The following PSKH1 variants were observed in gnomAD, a reference collection of about 807,000 sequenced individuals.
The protein encoded by PSKH1 is serine/threonine-protein kinase H1.
PSKH1 carries 12 observed loss-of-function variants against 26.7 expected under a neutral mutation model. The ratio of observed to expected loss-of-function variants is 0.45; its 90% CI spans 0.29 to 0.73. The LOEUF is 0.73. Among genes scored for constraint, PSKH1 ranks in the 30% least tolerant of loss-of-function variants. The pLI, the probability that PSKH1 is intolerant of heterozygous loss-of-function variation, is 0.11. For missense variants in PSKH1, 431 were observed against 595.2 expected, an observed-to-expected ratio of 0.72 and a Z score of 2.87; for synonymous variants, 213 against 234.3, an observed-to-expected ratio of 0.91 and a Z score of 0.83.
rs752525986 is a variant in PSKH1 at position 67,909,348 on chromosome 16, A to G, written c.599A>G (p.Gln200Arg). Reference protein sequence around the residue: ...FTERDATRVLQMVLDGVRYLH... With the variant: ...FTERDATRVLRMVLDGVRYLH... ...GAGCGTGACGCCACGCGGGTGCTGCAGATGGTGCTGGATGGCGTCCGGTAT... is the reference window on the plus strand; with the variant it reads ...GAGCGTGACGCCACGCGGGTGCTGCGGATGGTGCTGGATGGCGTCCGGTAT... Residue 200 changes from glutamine (Q) to arginine (R), a missense_variant, in exon 2 of 3, where the codon CAG becomes CGG. Coordinates refer to ENST00000291041, the MANE Select transcript of PSKH1 (RefSeq NM_006742.3). This position sits in a 1 kb window ranked among gnomAD's most constrained non-coding sequence, Gnocchi z 7.8. 1.2e-6 allele frequency: 2 copies of G among 1,614,078 alleles called. No individual in the cohort carries two copies. The highest frequency in any genetic ancestry group is 1.1e-5 in the South Asian group (1 of 91,074).
At chr16:67,916,956 C>T (rs904628441) in intron 2 of PSKH1, among the ~76,000 whole-genome samples, 1 of 152,190 alleles carries the variant, frequency 6.6e-6, no homozygotes, top group Non-Finnish European at 1.5e-5. Flanking sequence ...AGACCCCACC[C>T]CACTCCCTGC....
chr16:67,920,244 A>T (rs893033860), intron 2 of PSKH1, among the ~76,000 whole-genome samples: 8 of 151,666 alleles, frequency 5.3e-5, no homozygotes, highest in Non-Finnish European at 1.2e-4. Context: ...CCACATTCTG[A>T]CCTCTTTATT....
intron 1 of PSKH1, among the ~76,000 whole-genome samples, chr16:67,899,527 G>A (rs997181069): frequency 2.6e-5 from 4 of 151,968 alleles, no homozygotes; most frequent in Non-Finnish European, 4.4e-5. Context: ...AGTAGAGACC[G>A]GGTTTCACCA....
At chr16:67,920,595 C>T (rs1044190697) in intron 2 of PSKH1, among the ~76,000 whole-genome samples, 3 of 152,232 alleles carry the variant, frequency 2.0e-5, no homozygotes, top group African/African-American at 7.2e-5. Context: ...ATCCCATGCT[C>T]ATCCTCCTCC....
At position 67,929,310 on chromosome 16, in the gene PSKH1, A is replaced by G. The variant is rs969423416; in HGVS notation, c.*1668A>G. 1.3e-4 allele frequency: 20 copies of G among 152,406 alleles called. No homozygotes were observed. Among genetic ancestry groups the G allele is most frequent in the African/African-American group, 4.8e-4 (20 of 41,470 alleles). 9.4% of individuals were successfully genotyped at this position (152,406 alleles called of 1,614,324 possible). A position where few individuals can be genotyped will look rare whatever the true frequency, so the allele number is the denominator to read the frequency against. The stretch of plus-strand genomic sequence containing the variant: ...CACCTCCAGTGGGAAACAAAACTAA[A>G]GAGACCACTCTGTGCCAAGTCGACT... On this transcript the variant is annotated 3_prime_UTR_variant, in exon 3 of 3. Transcript: ENST00000291041.
intron 2 of PSKH1, among the ~76,000 whole-genome samples, chr16:67,925,509 A>G (rs2058213563): frequency 6.6e-6 from 1 of 151,918 alleles, no homozygotes; most frequent in African/African-American, 2.4e-5. Flanking sequence ...TGAATCTTGA[A>G]CTACACAAGC....
Position 67,908,913 on chromosome 16 carries a change from C to T in PSKH1, c.164C>T (p.Ala55Val). The T allele has an allele frequency of 1.2e-6, 2 of 1,614,128 alleles. No homozygotes were observed. Among genetic ancestry groups the T allele is most frequent in the Non-Finnish European group, 1.7e-6 (2 of 1,180,010 alleles). The change falls in exon 2 of 3, where the codon GCA becomes GTA. Residue 55 changes from alanine (A) to valine (V), a missense_variant. Physicochemically the swap from Ala to Val is moderately conservative, Grantham distance 64. Transcript: ENST00000291041. ...VGPVKAGFPA[A>V]SQYAHPCPGP... ...CCTGTCAAAGCCGGGTTCCCAGCAG[C>T]AAGTCAGTATGCACACCCCTGCCCC...
intron 2 of PSKH1, among the ~76,000 whole-genome samples, chr16:67,921,563 A>G (rs1238089617): frequency 2.0e-5 from 3 of 152,140 alleles, no homozygotes; most frequent in Non-Finnish European, 4.4e-5. Flanking sequence ...CCTGGGTGAC[A>G]GAGTGAGACT....
At position 67,923,050 on chromosome 16, in the gene PSKH1, C is replaced by T. The variant is rs114647330; in HGVS notation, c.958-4275C>T. On this transcript the variant is annotated intron_variant, in intron 2 of 2. Transcript: ENST00000291041. ...CTTGTGCCAGACATTAGAGCTAGAG[C>T]AAACGAAAAGGGTTGGTGCGGGGGG... Among the ~76,000 whole-genome samples the T allele has an allele frequency of 8.0e-3, 1,217 of 152,308 alleles. 7 individuals are homozygous for T. The highest frequency in any genetic ancestry group is 0.022 in the African/African-American group (930 of 41,568).
intron 1 of PSKH1, among the ~76,000 whole-genome samples, chr16:67,899,325 G>T (rs369697478): frequency 6.7e-5 from 10 of 150,350 alleles, no homozygotes; most frequent in African/African-American, 2.0e-4. Flanking sequence ...CCAAGAGCCA[G>T]ACCACATTTT....
intron 1 of PSKH1, among the ~76,000 whole-genome samples, chr16:67,900,501 G>C (rs544065966): frequency 6.6e-6 from 1 of 152,308 alleles, no homozygotes; most frequent in East Asian, 1.9e-4. Flanking sequence ...GCATGGGGAA[G>C]GATCAAGGCC....
Position 67,909,192 on chromosome 16 carries a change from G to C in PSKH1, c.443G>C (p.Arg148Pro). 6.2e-7 allele frequency: 1 copy of C among 1,614,158 alleles called. No homozygotes were observed. Among genetic ancestry groups the C allele is most frequent in the Non-Finnish European group, 8.5e-7 (1 of 1,180,046 alleles). Residue 148 changes from arginine to proline, a missense_variant, in exon 2 of 3, where the codon CGT (arginine) becomes CCT (proline). By Grantham distance (103) the Arg-to-Pro change is moderately radical. Coordinates refer to ENST00000291041, the MANE Select transcript of PSKH1 (RefSeq NM_006742.3). The surrounding 1 kb of genome is among the most constrained non-coding windows in gnomAD (Gnocchi z 7.8). ...TGTGAGTCGGAGCTGCGTGTGCTGCGTCGGGTGCGTCATGCCAACATCATC... is the reference window on the plus strand; with the variant it reads ...TGTGAGTCGGAGCTGCGTGTGCTGCCTCGGGTGCGTCATGCCAACATCATC... Reference protein sequence around the residue: ...EVCESELRVLRRVRHANIIQL... With the variant: ...EVCESELRVLPRVRHANIIQL...
intron 1 of PSKH1, among the ~76,000 whole-genome samples, chr16:67,896,465 G>A (rs145205889): frequency 6.6e-6 from 1 of 151,798 alleles, no homozygotes; most frequent in African/African-American, 2.4e-5. Flanking sequence ...TGTGTAGGAA[G>A]CTGCTTTGTA....
chr16:67,919,857 C>T (rs1050882683), intron 2 of PSKH1, among the ~76,000 whole-genome samples: 1 of 152,212 alleles, frequency 6.6e-6, no homozygotes, highest in Non-Finnish European at 1.5e-5. Flanking sequence ...TCCCCAGAGC[C>T]CTGTCCTCTA....
At position 67,908,874 on chromosome 16, in the gene PSKH1, T is replaced by G; in HGVS notation, c.125T>G (p.Val42Gly). Reference protein sequence around the residue: ...SDVYKHFITEVDSVGPVKAGF... With the variant: ...SDVYKHFITEGDSVGPVKAGF... ...GTGTACAAGCACTTCATCACAGAGG[T>G]GGACAGTGTTGGCCCTGTCAAAGCC... Residue 42 changes from valine (V) to glycine (G), a missense_variant, in exon 2 of 3, where the codon GTG becomes GGG. By Grantham distance (109) the Val-to-Gly change is moderately radical. Transcript: ENST00000291041. The G allele has an allele frequency of 6.2e-7, 1 of 1,613,894 alleles. No homozygotes were observed. Among genetic ancestry groups the G allele is most frequent in the Non-Finnish European group, 8.5e-7 (1 of 1,179,988 alleles).
At position 67,927,277 on chromosome 16, in the gene PSKH1, T is replaced by C. The variant is rs1289204359; in HGVS notation, c.958-48T>C. On this transcript the variant is annotated intron_variant, in intron 2 of 2. Transcript: ENST00000291041. This position sits in a 1 kb window ranked among gnomAD's most constrained non-coding sequence, Gnocchi z 5.5. ...GAGTAGTGGCCTCATCCAGATGGGG[T>C]GGGCAGTGTCAGATGCTCTCACTCT... 1 of 1,533,512 alleles carries C rather than the reference T, an allele frequency of 6.5e-7. No homozygotes were observed. The highest frequency in any genetic ancestry group is 2.3e-5 in the East Asian group (1 of 44,130). The allele number at this position is 1,533,512 out of a possible 1,614,324, so 95.0% of individuals were successfully genotyped here.
At chr16:67,900,706 C>A (rs552805129) in intron 1 of PSKH1, among the ~76,000 whole-genome samples, 2 of 152,278 alleles carry the variant, frequency 1.3e-5, no homozygotes, top group African/African-American at 2.4e-5. Flanking sequence ...ATGCTCATAC[C>A]CATTGCCACA....
At position 67,909,277 on chromosome 16, in the gene PSKH1, T is replaced by C. The variant is rs777643067; in HGVS notation, c.528T>C (p.Thr176=). Residue 176 remains threonine, a synonymous_variant, in exon 2 of 3, where the codon ACT becomes ACC. Transcript: ENST00000291041. The surrounding 1 kb of genome is among the most constrained non-coding windows in gnomAD (Gnocchi z 7.8). ...TGTACATGGTGATGGAGCTGGCCAC[T>C]GGTGGAGAGCTCTTTGACCGCATCA... ...ERVYMVMELA[T]GGELFDRIIA... 1.2e-6 allele frequency: 2 copies of C among 1,614,084 alleles called. No homozygotes were observed. Among genetic ancestry groups the C allele is most frequent in the Non-Finnish European group, 8.5e-7 (1 of 1,180,000 alleles).
chr16:67,915,269 C>T (rs1211830767), intron 2 of PSKH1, among the ~76,000 whole-genome samples: 1 of 151,898 alleles, frequency 6.6e-6, no homozygotes, highest in Non-Finnish European at 1.5e-5. Context: ...AGCCTTTGCT[C>T]CCACTACCCT....
Sources: allele counts gnomAD v4.1 joint callset (sites outside exome capture counted in the v4.1 genomes callset), GRCh38; gene constraint gnomAD v4.1.1; non-coding constraint Gnocchi (gnomAD v3.1); transcripts MANE v1.5; gene names NCBI Gene and HGNC (gene_info 2026-07-23, HGNC 2026-07-21).